ZNF605: variants seen among roughly 807,000 people sequenced by gnomAD.
ZNF605 encodes zinc finger protein 605.
In ZNF605, 9 loss-of-function variants were observed where a neutral mutation model predicts 7.9. The ratio of observed to expected loss-of-function variants is 1.14; its 90% CI spans 0.68 to 1.98. ZNF605 has a LOEUF of 1.98. ZNF605 is among the 30% of genes most tolerant of loss of function. The probability of loss-of-function intolerance (pLI) is 0.00; values close to 1 mark genes in which losing one functional copy is unlikely to be tolerated. For missense variants in ZNF605, 673 were observed against 762.4 expected (o/e 0.88, Z 1.38); for synonymous variants, 255 against 260.1 (o/e 0.98, Z 0.19).
Position 132,926,621 on chromosome 12 carries a change from C to A in ZNF605, c.678G>T (p.Gly226=). The A allele has an allele frequency of 1.2e-6, 2 of 1,613,986 alleles. No homozygotes were observed. The highest frequency in any genetic ancestry group is 1.7e-5 in the Admixed American group (1 of 60,006). Residue 226 remains glycine, a synonymous_variant, in exon 5 of 5, where the codon GGG becomes GGT. Transcript: ENST00000360187. ...QRTHSGEKPH[G]CSECQKAFSR... ...TAAAAGCTTTCTGACATTCGCTGCACCCATGCGGTTTTTCTCCTGAGTGAG... is the reference window on the plus strand; with the variant it reads ...TAAAAGCTTTCTGACATTCGCTGCAACCATGCGGTTTTTCTCCTGAGTGAG...
chr12:132,937,670 C>T (rs894509030), intron 3 of ZNF605, among the ~76,000 whole-genome samples: 29 of 152,288 alleles, frequency 1.9e-4, no homozygotes, highest in African/African-American at 5.5e-4. Flanking sequence ...TACCACACAA[C>T]GCAGCAATTC....
chr12:132,939,889 A>G (rs1952416903), intron 3 of ZNF605, among the ~76,000 whole-genome samples: 1 of 149,838 alleles, frequency 6.7e-6, no homozygotes, highest in Non-Finnish European at 1.5e-5. Context: ...CGAACACTCC[A>G]GACGCACTAC....
Position 132,945,747 on chromosome 12 carries a change from G to T in ZNF605, c.-112C>A. ...CTGAGAATACATCCTTGGTCTTGTG[G>T]GCTCTTCTTTCTTATCTCACATGAA... On this transcript the variant is annotated 5_prime_UTR_variant, in exon 3 of 5. Coordinates refer to ENST00000360187, the MANE Select transcript of ZNF605 (RefSeq NM_183238.4). 1 of 1,484,668 alleles carries T rather than the reference G, an allele frequency of 6.7e-7. No homozygotes were observed. Among genetic ancestry groups the T allele is most frequent in the Non-Finnish European group, 9.4e-7 (1 of 1,062,744 alleles). 92.0% of individuals were successfully genotyped at this position (1,484,668 alleles called of 1,614,324 possible).
At position 132,926,304 on chromosome 12, in the gene ZNF605, G is replaced by T; in HGVS notation, c.995C>A (p.Thr332Lys). Residue 332 changes from threonine (T) to lysine (K), a missense_variant, in exon 5 of 5, where the codon ACA (threonine) becomes AAA (lysine). Coordinates refer to ENST00000360187, the MANE Select transcript of ZNF605 (RefSeq NM_183238.4). ...ACCACATCCGTAAGGTTTCTTCCCTGTGTGGGTCCTCTGATGAGTAATCAG... is the reference window on the plus strand; with the variant it reads ...ACCACATCCGTAAGGTTTCTTCCCTTTGTGGGTCCTCTGATGAGTAATCAG... ...SQLITHQRTH[T>K]GKKPYGCGEC... The T allele has an allele frequency of 6.2e-7, 1 of 1,614,124 alleles. No individual in the cohort carries two copies. Among genetic ancestry groups the T allele is most frequent in the Non-Finnish European group, 8.5e-7 (1 of 1,180,024 alleles).
At chr12:132,938,170 C>T (rs899628368) in intron 3 of ZNF605, among the ~76,000 whole-genome samples, 6 of 151,834 alleles carry the variant, frequency 4.0e-5, no homozygotes, top group African/African-American at 9.7e-5. Flanking sequence ...TTAGTAGAGA[C>T]GGGGTTTCAC....
At chr12:132,932,424 A>G (rs974959706) in intron 4 of ZNF605, among the ~76,000 whole-genome samples, 7 of 152,372 alleles carry the variant, frequency 4.6e-5, no homozygotes, top group African/African-American at 1.7e-4. Flanking sequence ...ATGAATTCAT[A>G]AAGAGAGCCT....
chr12:132,945,791 C>T lies in ZNF605; in HGVS notation c.-156G>A, dbSNP rs1952488965. 9.4e-7 allele frequency: 1 copy of T among 1,066,610 alleles called. No individual in the cohort carries two copies. The highest frequency in any genetic ancestry group is 1.4e-6 in the Non-Finnish European group (1 of 696,208). The allele number at this position is 1,066,610 out of a possible 1,614,324, so 66.1% of individuals were successfully genotyped here. A position where few individuals can be genotyped will look rare whatever the true frequency, so the allele number is the denominator to read the frequency against. ...ACATGAATTGTCTTGTTCCAGAGGG[C>T]TATTGCCTGTGGATGCAGTGGACAT... On this transcript the variant is annotated 5_prime_UTR_variant, in exon 3 of 5. It removes the in-frame stop codon of an upstream open reading frame in the 5' UTR. Coordinates refer to ENST00000360187, the MANE Select transcript of ZNF605 (RefSeq NM_183238.4).
intron 1 of ZNF605, among the ~76,000 whole-genome samples, chr12:132,953,574 C>T (rs974283347): frequency 1.3e-5 from 2 of 152,048 alleles, no homozygotes; most frequent in African/African-American, 2.4e-5. Flanking sequence ...TTACAGGCGC[C>T]CACCACCATG....
intron 1 of ZNF605, among the ~76,000 whole-genome samples, chr12:132,955,442 G>A (rs1198299208): frequency 6.6e-6 from 1 of 152,176 alleles, no homozygotes; most frequent in Admixed American, 6.5e-5. Flanking sequence ...CCGACCGCTC[G>A]GTGGAGTTCA....
intron 1 of ZNF605, among the ~76,000 whole-genome samples, chr12:132,953,460 C>G (rs955745140): frequency 1.3e-5 from 2 of 152,204 alleles, no homozygotes; most frequent in African/African-American, 2.4e-5. Flanking sequence ...TGGAGTCTCA[C>G]TCTGTCATCA....
chr12:132,943,659 A>G (rs867443380), intron 3 of ZNF605, among the ~76,000 whole-genome samples: 1,698 of 152,220 alleles, frequency 0.011, 23 homozygotes, highest in African/African-American at 0.039. Context: ...TTGACTCAGT[A>G]CCTGGTACTT....
chr12:132,937,274 G>A (rs1952376462), intron 3 of ZNF605, among the ~76,000 whole-genome samples: 1 of 148,832 alleles, frequency 6.7e-6, no homozygotes, highest in Non-Finnish European at 1.5e-5. Flanking sequence ...GAGGATAATT[G>A]CTTGAACCCA....
rs1005137835 is a variant in ZNF605, at chr12:132,933,466, A to G, written c.16-311T>C. Among the ~76,000 whole-genome samples the G allele has an allele frequency of 2.6e-5, 4 of 152,290 alleles. No individual in the cohort carries two copies. The highest frequency in any genetic ancestry group is 9.6e-5 in the African/African-American group (4 of 41,560). ...CTGTGTTGTAAGGCCGCCATGTGGAAGCTCATGTGCCGTGGAACTGAGGCT... is the reference window on the plus strand; with the variant it reads ...CTGTGTTGTAAGGCCGCCATGTGGAGGCTCATGTGCCGTGGAACTGAGGCT... On this transcript the variant is annotated intron_variant, in intron 3 of 4. Transcript: ENST00000360187. This position sits in a 1 kb window ranked among gnomAD's most constrained non-coding sequence, Gnocchi z 4.4.
intron 2 of ZNF605, 99 bp downstream of exon 2, chr12:132,948,049 G>T (rs1952512383): frequency 5.3e-5 from 8 of 152,152 alleles, no homozygotes; most frequent in Admixed American, 2.6e-4. Context: ...CTGCACAAAA[G>T]ATACCATCTT....
Position 132,953,571 on chromosome 12 carries a change from C to T in ZNF605, c.-286+2672G>A, listed in dbSNP as rs769578631. 8.0e-3 allele frequency among the ~76,000 whole-genome samples: 1,216 copies of T among 152,062 alleles called. 9 individuals carry two copies. The highest frequency in any genetic ancestry group is 0.012 in the Non-Finnish European group (827 of 67,980). ...CCTCCTGAGTAGGTGGGATTACAGG[C>T]GCCCACCACCATGCCCAGCTAATTT... On this transcript the variant is annotated intron_variant, in intron 1 of 4. Transcript: ENST00000360187.
At chr12:132,937,359 C>CAA (rs56281488) in intron 3 of ZNF605, among the ~76,000 whole-genome samples, 110 of 86,484 alleles carry the variant, frequency 1.3e-3, no homozygotes, top group African/African-American at 1.5e-3. Flanking sequence ...AACTCTGTCT[C>CAA]AAAAAAAAAA....
At chr12:132,937,580 A>C (rs1177584393) in intron 3 of ZNF605, among the ~76,000 whole-genome samples, 1 of 152,146 alleles carries the variant, frequency 6.6e-6, no homozygotes, top group Non-Finnish European at 1.5e-5. Flanking sequence ...AGCAACTGTC[A>C]TTCATTGTGG....
intron 1 of ZNF605, among the ~76,000 whole-genome samples, chr12:132,954,143 G>A (rs1952605362): frequency 6.6e-6 from 1 of 151,262 alleles, no homozygotes; most frequent in Non-Finnish European, 1.5e-5. Context: ...GACCTCACAG[G>A]CCAGGCAGAG....
chr12:132,928,499 C>A (rs1952270629), intron 4 of ZNF605, among the ~76,000 whole-genome samples: 1 of 152,166 alleles, frequency 6.6e-6, no homozygotes, highest in South Asian at 2.1e-4. Flanking sequence ...GTAATGCTAT[C>A]ACTGGAAATT....
Sources: allele counts gnomAD v4.1 joint callset (sites outside exome capture counted in the v4.1 genomes callset), GRCh38; gene constraint gnomAD v4.1.1; non-coding constraint Gnocchi (gnomAD v3.1); transcripts MANE v1.5; gene names NCBI Gene and HGNC (gene_info 2026-07-23, HGNC 2026-07-21).